Variants in GRIN2A observed in about 807,000 individuals in gnomAD.
The protein encoded by GRIN2A is glutamate receptor ionotropic, NMDA 2A.
In GRIN2A, 22 loss-of-function variants were observed where a neutral mutation model predicts 113.4. That is an observed-to-expected ratio of 0.19 (90% confidence interval 0.14 to 0.28). The LOEUF is 0.28. GRIN2A is among the 10% of genes least tolerant of loss of function. GRIN2A has a pLI of 1.00. For synonymous variants in GRIN2A, 827 were observed against 738.4 expected, an observed-to-expected ratio of 1.12 and a Z score of -1.94; for missense variants, 1,502 against 1,887.0, an observed-to-expected ratio of 0.80 and a Z score of 3.78.
chr16:9,788,812 G>A (rs1358823570), intron 11 of GRIN2A, among the ~76,000 whole-genome samples: 3 of 143,032 alleles, frequency 2.1e-5, no homozygotes, highest in African/African-American at 5.2e-5. Flanking sequence ...GCGCGAACTC[G>A]ACTCACTGCA....
intron 4 of GRIN2A, among the ~76,000 whole-genome samples, chr16:9,883,093 T>G (rs531363113): frequency 5.3e-5 from 8 of 152,204 alleles, no homozygotes; most frequent in African/African-American, 1.9e-4. Context: ...AGAGAGAAAC[T>G]CTGGTTCTCT....
rs1003435497 is a variant in GRIN2A, at chr16:9,762,739, G to A, written c.*410C>T. 2.7e-6 allele frequency: 1 copy of A among 373,540 alleles called. No individual in the cohort carries two copies. The highest frequency in any genetic ancestry group is 4.3e-5 in the Admixed American group (1 of 23,276). 23.1% of individuals were successfully genotyped at this position (373,540 alleles called of 1,614,324 possible). ...ACATGCACACCATATTGCTTATTCTGTATTAGAGAAACCATTAGGCATTTC... is the reference window on the plus strand; with the variant it reads ...ACATGCACACCATATTGCTTATTCTATATTAGAGAAACCATTAGGCATTTC... On this transcript the variant is annotated 3_prime_UTR_variant, in exon 13 of 13. Coordinates refer to ENST00000330684, the MANE Select transcript of GRIN2A (RefSeq NM_001134407.3).
intron 11 of GRIN2A, among the ~76,000 whole-genome samples, chr16:9,781,054 C>T (rs28756835): frequency 0.16 from 24,180 of 150,234 alleles, 2,350 homozygotes; most frequent in Middle Eastern, 0.27. Flanking sequence ...ACAGGCCATA[C>T]GGTCTCTATC....
intron 2 of GRIN2A, among the ~76,000 whole-genome samples, chr16:10,076,913 G>A (rs1223077536): frequency 2.0e-5 from 3 of 152,190 alleles, no homozygotes; most frequent in Non-Finnish European, 4.4e-5. Context: ...ACACAGCAAA[G>A]GGGACTTGGC....
At chr16:9,783,965 A>G (rs142140319) in intron 11 of GRIN2A, among the ~76,000 whole-genome samples, 272 of 152,202 alleles carry the variant, frequency 1.8e-3, no homozygotes, top group Middle Eastern at 6.8e-3. Context: ...ACTGGGGCCT[A>G]ATGGAGGGTG....
chr16:10,007,850 A>G (rs2046432244), intron 2 of GRIN2A, among the ~76,000 whole-genome samples: 1 of 152,212 alleles, frequency 6.6e-6, no homozygotes, highest in Non-Finnish European at 1.5e-5. Context: ...ACATGGGCAG[A>G]TAAGAACACA....
At chr16:9,822,509 G>C (rs2042308387) in intron 9 of GRIN2A, 85 bp from the exon 10 acceptor site, 1 of 906,190 alleles carries the variant, frequency 1.1e-6, no homozygotes, top group African/African-American at 1.6e-5. Flanking sequence ...TAATAAATTA[G>C]TGATCATTTT....
chr16:9,758,697 G>A lies in GRIN2A; in HGVS notation c.*4452C>T, dbSNP rs564287856. ...TGATCATCTCTGATCTATATCAAGT[G>A]GCAAGCTGACCTCATCTGATACAAT... On this transcript the variant is annotated 3_prime_UTR_variant, in exon 13 of 13. Coordinates refer to ENST00000330684, the MANE Select transcript of GRIN2A (RefSeq NM_001134407.3). 5 of 215,938 alleles carry A rather than the reference G, an allele frequency of 2.3e-5. No individual in the cohort carries two copies. Among genetic ancestry groups the A allele is most frequent in the Non-Finnish European group, 3.7e-5 (4 of 107,066 alleles). 13.4% of individuals were successfully genotyped at this position (215,938 alleles called of 1,614,324 possible).
chr16:9,870,381 GA>G (rs944769949), intron 4 of GRIN2A, among the ~76,000 whole-genome samples: 3 of 150,064 alleles, frequency 2.0e-5, no homozygotes, highest in East Asian at 1.9e-4. Flanking sequence ...AAAAGAAATA[GA>G]AAAAAAAAGA....
intron 2 of GRIN2A, among the ~76,000 whole-genome samples, chr16:10,165,511 C>CATAT (rs58396840): frequency 0.014 from 1,949 of 138,740 alleles, 20 homozygotes; most frequent in Admixed American, 0.045. Context: ...TATATATATA[C>CATAT]ATATATATAT....
intron 11 of GRIN2A, among the ~76,000 whole-genome samples, chr16:9,789,639 G>A (rs761118151): frequency 5.3e-5 from 8 of 151,914 alleles, no homozygotes; most frequent in Non-Finnish European, 1.0e-4. Flanking sequence ...TAAATTCTTA[G>A]GACTGCAGCA....
chr16:10,104,313 A>G (rs2048453283), intron 2 of GRIN2A, among the ~76,000 whole-genome samples: 1 of 152,164 alleles, frequency 6.6e-6, no homozygotes, highest in African/African-American at 2.4e-5. Context: ...CACTATGTAG[A>G]AGGTGTAGTC....
intron 2 of GRIN2A, chr16:10,112,087 C>T (rs62621078): frequency 0.028 from 17,097 of 601,996 alleles, 343 homozygotes; most frequent in Non-Finnish European, 0.039. Flanking sequence ...ATTCTGGCCT[C>T]CAAGGATTCC....
chr16:9,978,833 G>A (rs1301941980), intron 2 of GRIN2A, among the ~76,000 whole-genome samples: 2 of 152,182 alleles, frequency 1.3e-5, no homozygotes, highest in Non-Finnish European at 1.5e-5. Context: ...ACATAACGTG[G>A]CACGGGCTTC....
intron 4 of GRIN2A, among the ~76,000 whole-genome samples, chr16:9,860,948 A>AT (rs1395337361): frequency 1.3e-5 from 2 of 152,220 alleles, no homozygotes; most frequent in Non-Finnish European, 2.9e-5. Flanking sequence ...CATATCATCC[A>AT]TTTTTACTTA....
At chr16:9,972,040 G>A (rs910496624) in intron 2 of GRIN2A, among the ~76,000 whole-genome samples, 6 of 152,072 alleles carry the variant, frequency 3.9e-5, no homozygotes, top group African/African-American at 1.2e-4. Flanking sequence ...GGAAGTCCAC[G>A]GCCAGCAGAA....
At position 9,762,926 on chromosome 16, in the gene GRIN2A, A is replaced by G. The variant is rs1419995169; in HGVS notation, c.*223T>C. Reference sequence around the variant, plus strand: ...GTTAGTTATTTTTGGTTAAGGACTCACCTATCTGGTGTCTGCCATGCTCAG... The same window carrying G: ...GTTAGTTATTTTTGGTTAAGGACTCGCCTATCTGGTGTCTGCCATGCTCAG... On this transcript the variant is annotated 3_prime_UTR_variant, in exon 13 of 13. Transcript: ENST00000330684. The G allele has an allele frequency of 1.0e-5, 6 of 598,278 alleles. No individual in the cohort carries two copies. Among genetic ancestry groups the G allele is most frequent in the Non-Finnish European group, 1.8e-5 (6 of 337,366 alleles). 37.1% of individuals were successfully genotyped at this position (598,278 alleles called of 1,614,324 possible).
At chr16:9,892,536 G>A (rs907944217) in intron 3 of GRIN2A, among the ~76,000 whole-genome samples, 6 of 151,786 alleles carry the variant, frequency 4.0e-5, no homozygotes, top group African/African-American at 1.5e-4. Context: ...GGAGAAAGAG[G>A]CATCAACGAT....
chr16:9,889,734 C>T (rs915602724), intron 4 of GRIN2A, among the ~76,000 whole-genome samples: 8 of 152,062 alleles, frequency 5.3e-5, no homozygotes, highest in African/African-American at 1.4e-4. Context: ...AAGTGTGTTG[C>T]CATTTCCAAA....
Sources: allele counts gnomAD v4.1 joint callset (sites outside exome capture counted in the v4.1 genomes callset), GRCh38; gene constraint gnomAD v4.1.1; transcripts MANE v1.5; gene names NCBI Gene and HGNC (gene_info 2026-07-23, HGNC 2026-07-21).